WASL: variants seen among roughly 807,000 people sequenced by gnomAD.
WASL encodes the protein WASP like actin nucleation promoting factor, also known as actin nucleation-promoting factor WASL.
WASL carries 20 observed loss-of-function variants against 55.5 expected under a neutral mutation model. That is an observed-to-expected ratio of 0.36 (90% confidence interval 0.25 to 0.52). The LOEUF is 0.52. Among genes scored for constraint, WASL ranks in the 20% least tolerant of loss-of-function variants. The pLI, the probability that WASL is intolerant of heterozygous loss-of-function variation, is 0.92. For synonymous variants in WASL, 249 were observed against 217.6 expected, an observed-to-expected ratio of 1.14 and a Z score of -1.27; for missense variants, 504 against 622.5, an observed-to-expected ratio of 0.81 and a Z score of 2.03.
chr7:123,713,057 T>C (rs940670130), intron 1 of WASL, among the ~76,000 whole-genome samples: 1 of 152,154 alleles, frequency 6.6e-6, no homozygotes, highest in African/African-American at 2.4e-5. Context: ...AATACTAAAA[T>C]GATTTAATAC....
At chr7:123,748,461 G>A (rs1244435505) in intron 1 of WASL, among the ~76,000 whole-genome samples, 157 bp downstream of exon 1, 1 of 151,906 alleles carries the variant, frequency 6.6e-6, no homozygotes, top group Admixed American at 6.6e-5. Context: ...CTGGGAGCAG[G>A]GCGAGGGCGC....
intron 1 of WASL, among the ~76,000 whole-genome samples, chr7:123,726,231 C>T (rs1804037332): frequency 6.6e-6 from 1 of 152,052 alleles, no homozygotes; most frequent in Non-Finnish European, 1.5e-5. Flanking sequence ...AAAAAGGGTT[C>T]CAAGTCAATT....
At chr7:123,743,404 T>A (rs1804379062) in intron 1 of WASL, among the ~76,000 whole-genome samples, 1 of 151,948 alleles carries the variant, frequency 6.6e-6, no homozygotes, top group Non-Finnish European at 1.5e-5. Flanking sequence ...GGACTAAAAT[T>A]CAGGAACTCC....
rs571872727 is a variant in WASL at position 123,702,082 on chromosome 7, C to T, written c.460+2552G>A. Among the ~76,000 whole-genome samples, 5 of 151,906 alleles carry T rather than the reference C, an allele frequency of 3.3e-5. No homozygotes were observed. In the South Asian group the frequency reaches 1.0e-3, roughly 32 times the overall value. ...AATTCTTTTTTTTTTGAGACGGAGT[C>T]TTGCTCTTTTTGCCCAGGCTGGAGT... On this transcript the variant is annotated intron_variant, in intron 5 of 10. Transcript: ENST00000223023.
intron 1 of WASL, among the ~76,000 whole-genome samples, chr7:123,720,792 G>A (rs1244382641): frequency 6.6e-6 from 1 of 151,602 alleles, no homozygotes; most frequent in Non-Finnish European, 1.5e-5. Context: ...TGGGACTACA[G>A]GTGCCTGCAC....
chr7:123,740,546 T>TA (rs1355178319), intron 1 of WASL, among the ~76,000 whole-genome samples: 1 of 152,182 alleles, frequency 6.6e-6, no homozygotes, highest in African/African-American at 2.4e-5. Flanking sequence ...GGTCCTCAAA[T>TA]AACATCCTTT....
intron 1 of WASL, among the ~76,000 whole-genome samples, chr7:123,731,134 G>A (rs747868572): frequency 3.3e-5 from 5 of 152,064 alleles, no homozygotes; most frequent in Non-Finnish European, 7.3e-5. Flanking sequence ...TTCAGGCAAA[G>A]TATGCTTCAG....
intron 10 of WASL, among the ~76,000 whole-genome samples, chr7:123,688,716 CT>C (rs1803343330): frequency 6.6e-6 from 1 of 152,090 alleles, no homozygotes; most frequent in Admixed American, 6.5e-5. Context: ...AAATCTCAAG[CT>C]TTGTTTAGAG....
At chr7:123,744,240 G>A (rs188467005) in intron 1 of WASL, among the ~76,000 whole-genome samples, 120 of 152,164 alleles carry the variant, frequency 7.9e-4, no homozygotes, top group African/African-American at 2.8e-3. Flanking sequence ...AAACCATTTC[G>A]GTCGCTTAAT....
chr7:123,702,190 G>A (rs1222300280), intron 5 of WASL, among the ~76,000 whole-genome samples: 2 of 151,906 alleles, frequency 1.3e-5, no homozygotes, highest in African/African-American at 4.8e-5. Flanking sequence ...CGAGTAGCTG[G>A]GATTACAGAC....
At chr7:123,697,037 C>G (rs531372937) in intron 5 of WASL, among the ~76,000 whole-genome samples, 1 of 152,102 alleles carries the variant, frequency 6.6e-6, no homozygotes, top group South Asian at 2.1e-4. Context: ...TTAGTCTAAT[C>G]TCTTAAATTT....
chr7:123,723,006 T>C (rs1475162338), intron 1 of WASL, among the ~76,000 whole-genome samples: 1 of 152,144 alleles, frequency 6.6e-6, no homozygotes, highest in Non-Finnish European at 1.5e-5. Context: ...CCACCACTTA[T>C]TAGCAATGTG....
chr7:123,735,215 G>A (rs1395414460), intron 1 of WASL, among the ~76,000 whole-genome samples: 1 of 150,800 alleles, frequency 6.6e-6, no homozygotes, highest in Non-Finnish European at 1.5e-5. Context: ...ATTGTAAAGA[G>A]CACACAAAAG....
intron 1 of WASL, among the ~76,000 whole-genome samples, chr7:123,714,063 A>G (rs1163023292): frequency 1.3e-5 from 2 of 152,352 alleles, no homozygotes; most frequent in African/African-American, 4.8e-5. Flanking sequence ...ATAAAAGTAA[A>G]GAAATGCAAA....
intron 9 of WASL, among the ~76,000 whole-genome samples, chr7:123,690,985 A>G (rs1803399728): frequency 6.6e-6 from 1 of 152,188 alleles, no homozygotes; most frequent in African/African-American, 2.4e-5. Context: ...AAAGGGGGAA[A>G]GAGAACAGAG....
chr7:123,702,834 G>A (rs1439516308), intron 5 of WASL, among the ~76,000 whole-genome samples: 2 of 152,108 alleles, frequency 1.3e-5, no homozygotes, highest in Non-Finnish European at 2.9e-5. Flanking sequence ...TCCATGGGGG[G>A]ATCCTGGAAC....
rs763161010 is a variant in WASL at position 123,709,184 on chromosome 7, G to T, written c.157C>A (p.Arg53=). Residue 53 remains arginine, a synonymous_variant, in exon 2 of 11, where the codon CGG becomes AGG. Transcript: ENST00000223023. Reference sequence around the variant, plus strand: ...CACTTCTTTGACCACATACAGTTCCGATCTGCTGCATATAACTGCACCACT... The same window carrying T: ...CACTTCTTTGACCACATACAGTTCCTATCTGCTGCATATAACTGCACCACT... ...SAVVQLYAAD[R]NCMWSKKCSG... The T allele has an allele frequency of 1.9e-6, 3 of 1,611,996 alleles. No individual in the cohort carries two copies. The highest frequency in any genetic ancestry group is 3.3e-5 in the Admixed American group (2 of 59,824).
chr7:123,706,317 T>C lies in WASL; in HGVS notation c.396A>G (p.Lys132=). The change falls in exon 4 of 11, where the codon AAA becomes AAG. Residue 132 remains lysine, a synonymous_variant. Coordinates refer to ENST00000223023, the MANE Select transcript of WASL (RefSeq NM_003941.4). The part of the protein sequence containing the change: ...ANEEEAKKFR[K]AVTDLLGRRQ... Reference sequence around the variant, plus strand: ...GACGGCCCAAAAGGTCTGTAACTGCTTTTCGAAATTTTTTTGCTTCTTCTT... The same window carrying C: ...GACGGCCCAAAAGGTCTGTAACTGCCTTTCGAAATTTTTTTGCTTCTTCTT... The C allele has an allele frequency of 1.2e-6, 2 of 1,613,764 alleles. No individual in the cohort carries two copies. The highest frequency in any genetic ancestry group is 1.7e-6 in the Non-Finnish European group (2 of 1,179,820).
intron 1 of WASL, among the ~76,000 whole-genome samples, chr7:123,737,958 A>C (rs922271469): frequency 2.0e-5 from 3 of 152,208 alleles, no homozygotes; most frequent in African/African-American, 7.2e-5. Context: ...TCTTTAACAT[A>C]TAAAGTGCTC....
Sources: allele counts gnomAD v4.1 joint callset (sites outside exome capture counted in the v4.1 genomes callset), GRCh38; gene constraint gnomAD v4.1.1; transcripts MANE v1.5; gene names NCBI Gene and HGNC (gene_info 2026-07-23, HGNC 2026-07-21).